The following EPB41L2 variants were observed in gnomAD, a reference collection of about 807,000 sequenced individuals.
The protein encoded by EPB41L2 is erythrocyte membrane protein band 4.1 like 2.
Under a neutral mutation model 113.0 loss-of-function variants are expected in EPB41L2, and 43 were observed. The ratio of observed to expected loss-of-function variants is 0.38; its 90% CI spans 0.30 to 0.49. The LOEUF is 0.49. Among genes scored for constraint, EPB41L2 ranks in the 20% least tolerant of loss-of-function variants. EPB41L2 has a pLI of 0.95. For missense variants in EPB41L2, 1,147 were observed against 1,223.4 expected, an observed-to-expected ratio of 0.94 and a Z score of 0.93; for synonymous variants, 442 against 436.7, an observed-to-expected ratio of 1.01 and a Z score of -0.15.
intron 1 of EPB41L2, among the ~76,000 whole-genome samples, chr6:131,053,085 G>T (rs1413035526): frequency 6.6e-6 from 1 of 151,854 alleles, no homozygotes; most frequent in Non-Finnish European, 1.5e-5. Context: ...TAGTAGAGAT[G>T]GGGTTTCACC....
intron 11 of EPB41L2, among the ~76,000 whole-genome samples, chr6:130,887,338 C>T (rs1301965539): frequency 1.3e-5 from 2 of 152,208 alleles, no homozygotes; most frequent in Non-Finnish European, 2.9e-5. Context: ...CCATCGCTTT[C>T]ACCTGGACCA....
chr6:131,037,097 C>T (rs1476832443), intron 1 of EPB41L2, among the ~76,000 whole-genome samples: 1 of 152,236 alleles, frequency 6.6e-6, no homozygotes, highest in Admixed American at 6.5e-5. Flanking sequence ...TTGCCAAAGG[C>T]AGCTAATGTA....
intron 1 of EPB41L2, among the ~76,000 whole-genome samples, chr6:130,998,549 G>A (rs1319641491): frequency 6.6e-6 from 1 of 152,150 alleles, no homozygotes; most frequent in East Asian, 1.9e-4. Context: ...GGGGAAAGAT[G>A]ATAATCAGGA....
chr6:130,944,962 A>G (rs1458887932), intron 3 of EPB41L2, among the ~76,000 whole-genome samples: 1 of 152,190 alleles, frequency 6.6e-6, no homozygotes, highest in Non-Finnish European at 1.5e-5. Flanking sequence ...TAGTAAATAC[A>G]AATTAAGTTT....
chr6:130,921,151 C>A (rs1802746553), intron 4 of EPB41L2, among the ~76,000 whole-genome samples: 1 of 152,106 alleles, frequency 6.6e-6, no homozygotes, highest in African/African-American at 2.4e-5. Context: ...GTTTTCATCA[C>A]CTCTAGACTA....
chr6:131,005,252 G>T (rs1412540), intron 1 of EPB41L2, among the ~76,000 whole-genome samples: 129,467 of 151,880 alleles, frequency 0.85, 55,627 homozygotes, highest in East Asian at 1. Flanking sequence ...TGGTGATGTG[G>T]TTTATAGGCA....
chr6:130,877,973 G>T, intron 14 of EPB41L2, 131 bp downstream of exon 14: 1 of 881,658 alleles, frequency 1.1e-6, no homozygotes, highest in South Asian at 3.6e-5. Context: ...TTACAAAATT[G>T]TTAGTAATTA....
intron 3 of EPB41L2, among the ~76,000 whole-genome samples, chr6:130,943,843 G>A (rs3777462): frequency 0.42 from 64,458 of 151,812 alleles, 16,201 homozygotes; most frequent in Non-Finnish European, 0.53. Context: ...CCCAGCCTAC[G>A]CCCAGCCAGC....
intron 11 of EPB41L2, among the ~76,000 whole-genome samples, chr6:130,888,421 AC>A (rs1204650282): frequency 6.6e-6 from 1 of 152,240 alleles, no homozygotes; most frequent in Non-Finnish European, 1.5e-5. Context: ...GTTTTCAGAT[AC>A]AGACCTCCTG....
intron 4 of EPB41L2, among the ~76,000 whole-genome samples, chr6:130,924,889 G>A (rs1017829203): frequency 6.6e-6 from 1 of 152,028 alleles, no homozygotes; most frequent in African/African-American, 2.4e-5. Flanking sequence ...CTACATATAC[G>A]GAGGCTATAC....
chr6:130,909,981 C>T (rs547912253), intron 4 of EPB41L2, among the ~76,000 whole-genome samples: 1 of 152,258 alleles, frequency 6.6e-6, no homozygotes, highest in South Asian at 2.1e-4. Context: ...TCAATGCTAT[C>T]TCCATCAAGC....
At chr6:131,018,932 C>T (rs1788856558) in intron 1 of EPB41L2, among the ~76,000 whole-genome samples, 1 of 152,168 alleles carries the variant, frequency 6.6e-6, no homozygotes, top group Non-Finnish European at 1.5e-5. Context: ...ATAGTTTCAA[C>T]AGCCTTGATA....
At position 130,956,271 on chromosome 6, in the gene EPB41L2, C is replaced by T. The variant is rs776082447; in HGVS notation, c.215G>A (p.Arg72Lys). 1.2e-6 allele frequency: 2 copies of T among 1,614,178 alleles called. No homozygotes were observed. The highest frequency in any genetic ancestry group is 1.7e-6 in the Non-Finnish European group (2 of 1,180,032). ...TGGCGGTATGAACCGAGAAATACCC[C>T]TGCTCTCCGATGTTTCCTTCTCTCT... Reference protein sequence around the residue: ...QKREKETSESRGISRFIPPWL... With the variant: ...QKREKETSESKGISRFIPPWL... The change falls in exon 2 of 20, where the codon AGG (arginine) becomes AAG (lysine). Residue 72 changes from arginine (R) to lysine (K), a missense_variant. Transcript: ENST00000337057.
At chr6:130,987,519 C>G (rs1780846124) in intron 1 of EPB41L2, among the ~76,000 whole-genome samples, 1 of 152,040 alleles carries the variant, frequency 6.6e-6, no homozygotes, top group Non-Finnish European at 1.5e-5. Context: ...ATGGTGAAAC[C>G]CTGTCTCTAC....
At chr6:131,020,901 C>T (rs530070571) in intron 1 of EPB41L2, among the ~76,000 whole-genome samples, 3 of 152,270 alleles carry the variant, frequency 2.0e-5, no homozygotes, top group Non-Finnish European at 2.9e-5. Flanking sequence ...GCGATCCTCC[C>T]GCCTCAGCCT....
At chr6:130,888,851 C>T (rs1235868957) in intron 11 of EPB41L2, among the ~76,000 whole-genome samples, 1 of 152,148 alleles carries the variant, frequency 6.6e-6, no homozygotes, top group Non-Finnish European at 1.5e-5. Context: ...AAGCACAGTT[C>T]ACCACCCCCT....
intron 18 of EPB41L2, among the ~76,000 whole-genome samples, chr6:130,861,904 AC>A (rs113813712): frequency 0.025 from 3,752 of 150,076 alleles, 167 homozygotes; most frequent in African/African-American, 0.086. Flanking sequence ...ATGCTATCTC[AC>A]AAACATAAAA....
intron 1 of EPB41L2, among the ~76,000 whole-genome samples, chr6:130,967,593 T>TATTAAATG (rs1418363532): frequency 6.6e-6 from 1 of 152,150 alleles, no homozygotes; most frequent in Admixed American, 6.5e-5. Flanking sequence ...GGAAGAGTCC[T>TATTAAATG]ATTAAATGTC....
chr6:130,974,068 A>T (rs1299846908), intron 1 of EPB41L2, among the ~76,000 whole-genome samples: 1 of 152,062 alleles, frequency 6.6e-6, no homozygotes, highest in Non-Finnish European at 1.5e-5. Context: ...TACTGCTATA[A>T]ACTGAATTGC....
Sources: allele counts gnomAD v4.1 joint callset (sites outside exome capture counted in the v4.1 genomes callset), GRCh38; gene constraint gnomAD v4.1.1; transcripts MANE v1.5; gene names NCBI Gene and HGNC (gene_info 2026-07-23, HGNC 2026-07-21).